Variants in FBXL14 observed in about 807,000 individuals in gnomAD.
FBXL14 encodes the protein F-box/LRR-repeat protein 14.
A neutral mutation model predicts 24.5 loss-of-function variants in FBXL14; 11 were observed. The observed-to-expected ratio is 0.45, with a 90% CI of 0.28 to 0.74. FBXL14 has a LOEUF of 0.74. FBXL14 is among the 30% of genes least tolerant of loss of function. The pLI, the probability that FBXL14 is intolerant of heterozygous loss-of-function variation, is 0.12. For synonymous variants in FBXL14, 294 were observed against 240.4 expected (o/e 1.22, Z -2.06); for missense variants, 384 against 545.6 (o/e 0.70, Z 2.95).
rs2094436474 is a variant in FBXL14 at position 1,566,493 on chromosome 12, G to A, written c.*255C>T. 2.4e-6 allele frequency: 1 copy of A among 412,212 alleles called. No individual in the cohort carries two copies. The highest frequency in any genetic ancestry group is 4.3e-5 in the Admixed American group (1 of 23,438). 25.5% of individuals were successfully genotyped at this position (412,212 alleles called of 1,614,324 possible). A position where few individuals can be genotyped will look rare whatever the true frequency, so the allele number is the denominator to read the frequency against. On this transcript the variant is annotated 3_prime_UTR_variant, in exon 2 of 2. Coordinates refer to ENST00000339235, the MANE Select transcript of FBXL14 (RefSeq NM_152441.3). ...ATCCTAGCAAGTAAAAAGCTGAACA[G>A]ACTGAAAAAGCAAGTCTCCTTGGAT...
chr12:1,566,123 A>G lies in FBXL14; in HGVS notation c.*625T>C, dbSNP rs1592449099. ...CACATATGGGCACTCAGTAAACATT[A>G]TTAATGAATGATAATGATTTGTCAG... On this transcript the variant is annotated 3_prime_UTR_variant, in exon 2 of 2. Coordinates refer to ENST00000339235, the MANE Select transcript of FBXL14 (RefSeq NM_152441.3). 6.5e-6 allele frequency: 1 copy of G among 152,676 alleles called. No homozygotes were observed. The highest frequency in any genetic ancestry group is 1.9e-4 in the East Asian group (1 of 5,202). 9.5% of individuals were successfully genotyped at this position (152,676 alleles called of 1,614,324 possible). A position where few individuals can be genotyped will look rare whatever the true frequency, so the allele number is the denominator to read the frequency against.
In FBXL14 at chr12:1,566,520, C is replaced by T. The variant is rs957666010; in HGVS notation, c.*228G>A. ...CTGAAAAAGCAAGTCTCCTTGGATC[C>T]ATAAAGGAAGCGAGGTCTCAGAGCA... is the stretch of plus-strand genomic sequence containing the variant. On this transcript the variant is annotated 3_prime_UTR_variant, in exon 2 of 2. Coordinates refer to ENST00000339235, the MANE Select transcript of FBXL14 (RefSeq NM_152441.3). 4.2e-5 allele frequency: 19 copies of T among 452,538 alleles called. No individual in the cohort carries two copies. The highest frequency in any genetic ancestry group is 1.6e-4 in the Admixed American group (4 of 24,578). 28.0% of individuals were successfully genotyped at this position (452,538 alleles called of 1,614,324 possible). A position where few individuals can be genotyped will look rare whatever the true frequency, so the allele number is the denominator to read the frequency against.
chr12:1,570,522 C>T (rs935078933), intron 1 of FBXL14, among the ~76,000 whole-genome samples: 8 of 152,286 alleles, frequency 5.3e-5, no homozygotes, highest in Admixed American at 6.5e-5. Context: ...TGGCTGTGTG[C>T]TCTGCCTGGA....
At chr12:1,571,208 G>GT (rs2094444949) in intron 1 of FBXL14, among the ~76,000 whole-genome samples, 2 of 150,916 alleles carry the variant, frequency 1.3e-5, no homozygotes, top group African/African-American at 4.9e-5. Flanking sequence ...TTTTTTGTTT[G>GT]TTTGTTTTGT....
At chr12:1,587,208 GC>G (rs1230353458) in intron 1 of FBXL14, among the ~76,000 whole-genome samples, 1 of 134,956 alleles carries the variant, frequency 7.4e-6, no homozygotes, top group Non-Finnish European at 1.5e-5. Flanking sequence ...TTGCACTGCA[GC>G]CTGGACAACA....
At position 1,593,203 on chromosome 12, in the gene FBXL14, G is replaced by A. The variant is rs779667268; in HGVS notation, c.864C>T (p.Phe288=). 2 of 1,613,210 alleles carry A rather than the reference G, an allele frequency of 1.2e-6. No homozygotes were observed. The highest frequency in any genetic ancestry group is 1.7e-6 in the Non-Finnish European group (2 of 1,180,042). Residue 288 remains phenylalanine, a synonymous_variant, in exon 1 of 2, where the codon TTC becomes TTT. Transcript: ENST00000339235. This position sits in a 1 kb window ranked among gnomAD's most constrained non-coding sequence, Gnocchi z 7.4. ...SLRLSGLDVS[F]CDKVGDQSLA... ...GACTCTGGTCTCCCACCTTGTCACA[G>A]AACGAAACATCCAGCCCCGAGAGGC... is the stretch of plus-strand genomic sequence containing the variant.
Position 1,594,081 on chromosome 12 carries a change from C to A in FBXL14, c.-15G>T. ...TGGGTCTCCATCTTCCTCCTCCCCC[C>A]TCCGCGGCGCTGGGGGGAGGAGGCG... is the stretch of plus-strand genomic sequence containing the variant. On this transcript the variant is annotated 5_prime_UTR_variant, in exon 1 of 2. It adds an upstream start codon to the 5' untranslated region. Transcript: ENST00000339235. The A allele has an allele frequency of 7.0e-7, 1 of 1,427,612 alleles. No homozygotes were observed. The highest frequency in any genetic ancestry group is 9.1e-7 in the Non-Finnish European group (1 of 1,097,184). The allele number at this position is 1,427,612 out of a possible 1,614,324, so 88.4% of individuals were successfully genotyped here.
chr12:1,593,763 T>C lies in FBXL14; in HGVS notation c.304A>G (p.Asn102Asp). Reference protein sequence around the residue: ...IESLNLSGCYNLTDNGLGHAF... With the variant: ...IESLNLSGCYDLTDNGLGHAF... ...TGGCCCAGCCCGTTGTCGGTGAGGT[T>C]GTAGCAGCCGCTGAGGTTGAGGCTC... The change falls in exon 1 of 2, where the codon AAC becomes GAC. Residue 102 changes from asparagine to aspartate, a missense_variant. By Grantham distance (23) the Asn-to-Asp change is conservative. Transcript: ENST00000339235. This position sits in a 1 kb window ranked among gnomAD's most constrained non-coding sequence, Gnocchi z 7.4. 6.2e-7 allele frequency: 1 copy of C among 1,614,136 alleles called. No individual in the cohort carries two copies. The highest frequency in any genetic ancestry group is 8.5e-7 in the Non-Finnish European group (1 of 1,180,020).
intron 1 of FBXL14, among the ~76,000 whole-genome samples, chr12:1,571,400 G>A (rs2094445285): frequency 6.6e-6 from 1 of 152,054 alleles, no homozygotes; most frequent in African/African-American, 2.4e-5. Flanking sequence ...TAGAGACGGG[G>A]TTTCTCCATG....
intron 1 of FBXL14, among the ~76,000 whole-genome samples, chr12:1,575,540 G>A (rs1208518425): frequency 1.3e-5 from 2 of 152,150 alleles, no homozygotes; most frequent in Non-Finnish European, 2.9e-5. Flanking sequence ...GTGATACCCT[G>A]TGCTCACAGC....
At chr12:1,570,979 G>A (rs776674725) in intron 1 of FBXL14, among the ~76,000 whole-genome samples, 1 of 152,160 alleles carries the variant, frequency 6.6e-6, no homozygotes, top group Non-Finnish European at 1.5e-5. Context: ...CAGGACAGTG[G>A]TAGGTTAAAT....
chr12:1,570,841 G>A (rs1419098273), intron 1 of FBXL14, among the ~76,000 whole-genome samples: 1 of 151,930 alleles, frequency 6.6e-6, no homozygotes, highest in Non-Finnish European at 1.5e-5. Context: ...TTTCCCTTTG[G>A]TGGTCCTCCC....
rs774081012 is a variant in FBXL14 at position 1,594,081 on chromosome 12, C to G, written c.-15G>C. On this transcript the variant is annotated 5_prime_UTR_variant, in exon 1 of 2. Transcript: ENST00000339235. ...TGGGTCTCCATCTTCCTCCTCCCCC[C>G]TCCGCGGCGCTGGGGGGAGGAGGCG... 9.1e-6 allele frequency: 13 copies of G among 1,427,612 alleles called. No individual in the cohort carries two copies. The East Asian group carries it at 1.6e-4, about 17-fold the overall frequency. 88.4% of individuals were successfully genotyped at this position (1,427,612 alleles called of 1,614,324 possible). A position where few individuals can be genotyped will look rare whatever the true frequency, so the allele number is the denominator to read the frequency against.
At chr12:1,586,291 C>T (rs372334492) in intron 1 of FBXL14, among the ~76,000 whole-genome samples, 11 of 151,054 alleles carry the variant, frequency 7.3e-5, no homozygotes, top group African/African-American at 7.3e-5. Flanking sequence ...CCCAGAAGTC[C>T]GAGATTGTAG....
chr12:1,574,020 A>G (rs1226705877), intron 1 of FBXL14, among the ~76,000 whole-genome samples: 2 of 152,032 alleles, frequency 1.3e-5, no homozygotes, highest in Non-Finnish European at 2.9e-5. Flanking sequence ...AAAAGAAAAA[A>G]AAAAAAAAGA....
At chr12:1,589,566 G>A (rs189869266) in intron 1 of FBXL14, among the ~76,000 whole-genome samples, 32 of 152,162 alleles carry the variant, frequency 2.1e-4, no homozygotes, top group African/African-American at 7.2e-4. Flanking sequence ...GGTAACTTAC[G>A]GCAGGAATTA....
In FBXL14 at chr12:1,593,539, G is replaced by C; in HGVS notation, c.528C>G (p.Leu176=). 1 of 1,613,996 alleles carries C rather than the reference G, an allele frequency of 6.2e-7. No individual in the cohort carries two copies. The highest frequency in any genetic ancestry group is 8.5e-7 in the Non-Finnish European group (1 of 1,179,978). ...WGLQRLKSLN[L]RSCRHLSDVG... ...CATCCGAAAGGTGGCGGCAGCTGCG[G>C]AGGTTAAGGCTCTTGAGGCGCTGCA... The change falls in exon 1 of 2, where the codon CTC becomes CTG. Residue 176 remains leucine (L), a synonymous_variant. Transcript: ENST00000339235. The surrounding 1 kb of genome is among the most constrained non-coding windows in gnomAD (Gnocchi z 7.4).
chr12:1,588,832 G>T, intron 1 of FBXL14, among the ~76,000 whole-genome samples: 1 of 151,796 alleles, frequency 6.6e-6, no homozygotes, highest in African/African-American at 2.4e-5. Context: ...GTACCACCAC[G>T]CAAAGTGTAC....
rs993439675 is a variant in FBXL14 at position 1,567,083 on chromosome 12, T to G, written c.1195-273A>C. Among the ~76,000 whole-genome samples, 5 of 152,172 alleles carry G rather than the reference T, an allele frequency of 3.3e-5. No homozygotes were observed. The South Asian group carries it at 1.0e-3, about 32-fold the overall frequency. Reference sequence around the variant, plus strand: ...CTGATTGTAGACTATAGAGTAGACCTTCCCACCGCACACTCACGGCCTCTT... The same window carrying G: ...CTGATTGTAGACTATAGAGTAGACCGTCCCACCGCACACTCACGGCCTCTT... On this transcript the variant is annotated intron_variant, in intron 1 of 1. Coordinates refer to ENST00000339235, the MANE Select transcript of FBXL14 (RefSeq NM_152441.3). The surrounding 1 kb of genome is among the most constrained non-coding windows in gnomAD (Gnocchi z 4.8).
Sources: gnomAD v4.1 joint callset for allele counts (sites outside exome capture counted in the v4.1 genomes callset) on GRCh38, gnomAD v4.1.1 for gene constraint, Gnocchi (gnomAD v3.1) non-coding constraint, MANE v1.5 for transcripts, NCBI Gene and HGNC (gene_info 2026-07-23, HGNC 2026-07-21) for gene names.